The following SULF2 variants were observed in gnomAD, a reference collection of about 807,000 sequenced individuals.
The protein encoded by SULF2 is extracellular sulfatase Sulf-2.
A neutral mutation model predicts 107.7 loss-of-function variants in SULF2; 52 were observed. That is an observed-to-expected ratio of 0.48 (90% CI 0.39 to 0.61). SULF2 has a LOEUF of 0.61. SULF2 is among the 20% of genes least tolerant of loss of function. The pLI, the probability that SULF2 is intolerant of heterozygous loss-of-function variation, is 0.00. For synonymous variants in SULF2, 460 were observed against 464.3 expected (o/e 0.99, Z 0.12); for missense variants, 993 against 1,177.3 (o/e 0.84, Z 2.29).
At chr20:47,725,757 A>G (rs2089423727) in intron 3 of SULF2, among the ~76,000 whole-genome samples, 1 of 152,202 alleles carries the variant, frequency 6.6e-6, no homozygotes, top group Non-Finnish European at 1.5e-5. Flanking sequence ...GCTACCTGCC[A>G]GCCCTCTATG....
rs115882275 is a variant in SULF2, at chr20:47,713,384, C to T, written c.416-10714G>A. ...TCCAGCCCCAAAGTGTCACCAGTGC[C>T]GAGGTTGTGAAACTCTGTGTAAAGT... On this transcript the variant is annotated intron_variant, in intron 3 of 20. Coordinates refer to ENST00000688720, the MANE Select transcript of SULF2 (RefSeq NM_001387048.1). Among the ~76,000 whole-genome samples, 320 of 152,188 alleles carry T rather than the reference C, an allele frequency of 2.1e-3. 4 individuals are homozygous for T. Among genetic ancestry groups the T allele is most frequent in the African/African-American group, 7.5e-3 (310 of 41,532 alleles).
Position 47,683,103 on chromosome 20 carries a change from C to CGTGGTCGGCGGT in SULF2, c.943_954dup (p.Thr315_His318dup), listed in dbSNP as rs2087882302. 1 of 1,613,544 alleles carries CGTGGTCGGCGGT rather than the reference C, an allele frequency of 6.2e-7. No homozygotes were observed. Among genetic ancestry groups the CGTGGTCGGCGGT allele is most frequent in the Admixed American group, 1.7e-5 (1 of 60,002 alleles). On this transcript the variant is annotated inframe_insertion, in exon 7 of 21. Transcript: ENST00000688720. ...AGGCCAAACTGGCCGATGTGGTAAC[C>CGTGGTCGGCGGT]GTGGTCGGCGGTGTATACGATGTAC...
At chr20:47,753,733 C>T (rs181112416) in intron 2 of SULF2, among the ~76,000 whole-genome samples, 36 of 152,356 alleles carry the variant, frequency 2.4e-4, no homozygotes, top group South Asian at 6.2e-4. Flanking sequence ...CAGGCCAGAA[C>T]CATGTCTTAA....
At chr20:47,705,477 G>A (rs2088702016) in intron 3 of SULF2, among the ~76,000 whole-genome samples, 2 of 152,194 alleles carry the variant, frequency 1.3e-5, no homozygotes, top group Non-Finnish European at 2.9e-5. Flanking sequence ...TGGAGTGGAG[G>A]CAGCATGAGA....
rs112409545 is a variant in SULF2, at chr20:47,694,070, C to T, written c.568-3775G>A. On this transcript the variant is annotated intron_variant, in intron 4 of 20. Coordinates refer to ENST00000688720, the MANE Select transcript of SULF2 (RefSeq NM_001387048.1). This position sits in a 1 kb window ranked among gnomAD's most constrained non-coding sequence, Gnocchi z 4.4. Reference sequence around the variant, plus strand: ...AGTCTTCCCCGATCTCTGCTAGCTCCGCAATGCCACATGACACACCTGCCT... The same window carrying T: ...AGTCTTCCCCGATCTCTGCTAGCTCTGCAATGCCACATGACACACCTGCCT... 7.9e-5 allele frequency among the ~76,000 whole-genome samples: 12 copies of T among 152,210 alleles called. No individual in the cohort carries two copies. Among genetic ancestry groups the T allele is most frequent in the African/African-American group, 1.9e-4 (8 of 41,452 alleles).
At chr20:47,723,952 G>A (rs1201723755) in intron 3 of SULF2, among the ~76,000 whole-genome samples, 3 of 152,210 alleles carry the variant, frequency 2.0e-5, no homozygotes, top group Non-Finnish European at 4.4e-5. Flanking sequence ...GTACCAGAAT[G>A]GTTGTGGGCC....
intron 1 of SULF2, among the ~76,000 whole-genome samples, chr20:47,757,797 T>C (rs562634871): frequency 6.6e-6 from 1 of 152,002 alleles, no homozygotes; most frequent in East Asian, 1.9e-4. Flanking sequence ...AGACAAATCG[T>C]CCCCAGGGAG....
chr20:47,775,195 T>C (rs963770276), intron 1 of SULF2, among the ~76,000 whole-genome samples: 1 of 152,168 alleles, frequency 6.6e-6, no homozygotes, highest in Non-Finnish European at 1.5e-5. Context: ...GTGGCAGAAG[T>C]GATGCTGTGC....
In SULF2 at chr20:47,672,160, TCTC is replaced by T. The variant is rs753946574; in HGVS notation, c.1576+35_1576+37del. 94 of 1,567,858 alleles carry T rather than the reference TCTC, an allele frequency of 6.0e-5. No homozygotes were observed. In the Admixed American group the frequency reaches 1.6e-3, roughly 26 times the overall value. ...AATGGGGCCCCCCAGGCATGGTCTC[TCTC>T]CTCCTGTCCCACTCAGCCAGGTTGT... On this transcript the variant is annotated intron_variant, in intron 11 of 20. Transcript: ENST00000688720.
chr20:47,670,991 C>T (rs950896495), intron 11 of SULF2, among the ~76,000 whole-genome samples: 8 of 151,948 alleles, frequency 5.3e-5, no homozygotes, highest in Non-Finnish European at 8.8e-5. Flanking sequence ...CACTTCTAGC[C>T]GGCGGACCCC....
rs112196361 is a variant in SULF2 at position 47,666,464 on chromosome 20, C to T, written c.1601G>A (p.Ser534Asn). 793 of 1,613,532 alleles carry T rather than the reference C, an allele frequency of 4.9e-4. 3 individuals carry two copies. The African/African-American group carries it at 9.0e-3, about 18-fold the overall frequency. The change falls in exon 12 of 21, where the codon AGT (serine) becomes AAT (asparagine). Residue 534 changes from serine to asparagine, a missense_variant. Physicochemically the swap from Ser to Asn is conservative, Grantham distance 46. Around this residue, in one of 3 missense-constraint regions of SULF2, gnomAD observed 497 missense variants for 544.1 expected, o/e 0.91. Coordinates refer to ENST00000688720, the MANE Select transcript of SULF2 (RefSeq NM_001387048.1). This position sits in a 1 kb window ranked among gnomAD's most constrained non-coding sequence, Gnocchi z 5.4. ...GATGGCCACTGAGCGGATGGAGCGACTGCGGACATAGCTGGCCTTGTACTC... is the reference window on the plus strand; with the variant it reads ...GATGGCCACTGAGCGGATGGAGCGATTGCGGACATAGCTGGCCTTGTACTC... ...KKKYKASYVR[S>N]RSIRSVAIEV...
At chr20:47,732,768 G>A (rs563254148) in intron 3 of SULF2, among the ~76,000 whole-genome samples, 2 of 152,228 alleles carry the variant, frequency 1.3e-5, no homozygotes, top group East Asian at 1.9e-4. Context: ...GCTTGAACCC[G>A]GGAGGTGGAG....
chr20:47,781,274 C>G (rs2090829196), intron 1 of SULF2, among the ~76,000 whole-genome samples: 2 of 152,268 alleles, frequency 1.3e-5, no homozygotes, highest in Admixed American at 1.3e-4. Flanking sequence ...GCCAGCATTG[C>G]TCACATTAGT....
At chr20:47,761,495 G>T (rs905992223) in intron 1 of SULF2, among the ~76,000 whole-genome samples, 3 of 152,224 alleles carry the variant, frequency 2.0e-5, no homozygotes, top group African/African-American at 7.2e-5. Context: ...CCTACCCAAA[G>T]ATAAATGGAA....
intron 11 of SULF2, among the ~76,000 whole-genome samples, chr20:47,670,026 C>T (rs77003987): frequency 0.026 from 3,978 of 152,136 alleles, 181 homozygotes; most frequent in African/African-American, 0.091. Flanking sequence ...AGCTGGGAAA[C>T]GGTGTTTCAG....
chr20:47,771,422 A>AT (rs1458686948), intron 1 of SULF2, among the ~76,000 whole-genome samples: 1 of 152,028 alleles, frequency 6.6e-6, no homozygotes. Flanking sequence ...ATTTCTTCCC[A>AT]TTTTTTAACC....
chr20:47,658,010 C>T lies in SULF2; in HGVS notation c.*352G>A, dbSNP rs112690311. The stretch of plus-strand genomic sequence containing the variant: ...ATGATTTAAAAATTCCAATGACTTT[C>T]GCCCTTGGGAGAAATTTCCAAGGAA... On this transcript the variant is annotated 3_prime_UTR_variant, in exon 21 of 21. Transcript: ENST00000688720. 5.9e-5 allele frequency: 18 copies of T among 303,924 alleles called. 2 individuals carry two copies. The highest frequency in any genetic ancestry group is 2.6e-4 in the African/African-American group (12 of 46,832). 18.8% of individuals were successfully genotyped at this position (303,924 alleles called of 1,614,324 possible). A position where few individuals can be genotyped will look rare whatever the true frequency, so the allele number is the denominator to read the frequency against.
At chr20:47,755,809 C>A (rs773975166) in intron 2 of SULF2, among the ~76,000 whole-genome samples, 3 of 152,192 alleles carry the variant, frequency 2.0e-5, no homozygotes, top group Non-Finnish European at 2.9e-5. Context: ...AAACTCAAAG[C>A]CCCCACCATG....
intron 1 of SULF2, among the ~76,000 whole-genome samples, chr20:47,759,171 C>T (rs113022320): frequency 0.02 from 3,023 of 152,322 alleles, 53 homozygotes; most frequent in South Asian, 0.032. Flanking sequence ...GCCAGGCACT[C>T]GCCTCACCTT....
Sources: allele counts gnomAD v4.1 joint callset (sites outside exome capture counted in the v4.1 genomes callset), GRCh38; gene constraint gnomAD v4.1.1; regional missense constraint gnomAD v4.1.1; non-coding constraint Gnocchi (gnomAD v3.1); transcripts MANE v1.5; gene names NCBI Gene and HGNC (gene_info 2026-07-23, HGNC 2026-07-21).